Variants in WDR82 observed in about 807,000 individuals in gnomAD.
The protein encoded by WDR82 is WD repeat-containing protein 82.
WDR82 carries 8 observed loss-of-function variants against 36.1 expected under a neutral mutation model. The observed-to-expected ratio is 0.22, with a 90% confidence interval of 0.13 to 0.40. The LOEUF (loss-of-function observed/expected upper bound fraction) is 0.40, where lower values mean the gene tolerates loss of function less well. Among genes scored for constraint, WDR82 ranks in the 10% least tolerant of loss-of-function variants. WDR82 has a pLI of 1.00. For synonymous variants in WDR82, 129 were observed against 137.8 expected, an observed-to-expected ratio of 0.94 and a Z score of 0.45; for missense variants, 185 against 400.5, an observed-to-expected ratio of 0.46 and a Z score of 4.59.
intron 2 of WDR82, among the ~76,000 whole-genome samples, chr3:52,270,260 T>C (rs1417125273): frequency 6.6e-6 from 1 of 152,184 alleles, no homozygotes; most frequent in Non-Finnish European, 1.5e-5. Flanking sequence ...GCTGGGATTA[T>C]AGGCGTGCAC....
intron 2 of WDR82, among the ~76,000 whole-genome samples, chr3:52,269,063 C>A (rs907917396): frequency 6.6e-6 from 1 of 152,194 alleles, no homozygotes; most frequent in Non-Finnish European, 1.5e-5. Flanking sequence ...GATCCACTCT[C>A]CTAGGCCTCC....
Position 52,267,038 on chromosome 3 carries a change from G to A in WDR82, c.260-20C>T, listed in dbSNP as rs1700112049. On this transcript the variant is annotated intron_variant, in intron 2 of 8. Coordinates refer to ENST00000296490, the MANE Select transcript of WDR82 (RefSeq NM_025222.4). Reference sequence around the variant, plus strand: ...TAGTATCTGTAAAAAGACAAACAAGGTATGATGATATCATACTATTTAAAA... The same window carrying A: ...TAGTATCTGTAAAAAGACAAACAAGATATGATGATATCATACTATTTAAAA... 1.3e-6 allele frequency: 2 copies of A among 1,583,086 alleles called. No individual in the cohort carries two copies. Among genetic ancestry groups the A allele is most frequent in the African/African-American group, 1.4e-5 (1 of 74,052 alleles).
Position 52,259,948 on chromosome 3 carries a change from T to C in WDR82, c.544-76A>G, listed in dbSNP as rs1306452600. ...CTAGAGCCAATTCCCATCCTATTCC[T>C]TTAGATTACTTTTTGACTAAGGAAA... On this transcript the variant is annotated intron_variant, in intron 5 of 8. Coordinates refer to ENST00000296490, the MANE Select transcript of WDR82 (RefSeq NM_025222.4). 2.0e-6 allele frequency: 3 copies of C among 1,488,532 alleles called. No individual in the cohort carries two copies. The Admixed American group carries it at 6.4e-5, about 32-fold the overall frequency. 92.2% of individuals were successfully genotyped at this position (1,488,532 alleles called of 1,614,324 possible). A position where few individuals can be genotyped will look rare whatever the true frequency, so the allele number is the denominator to read the frequency against.
intron 3 of WDR82, among the ~76,000 whole-genome samples, chr3:52,266,054 T>TA (rs1449413064): frequency 1.3e-5 from 2 of 152,022 alleles, no homozygotes; most frequent in Non-Finnish European, 2.9e-5. Flanking sequence ...GTTGAAAAAT[T>TA]AGAGAAAAAA....
At chr3:52,268,926 C>A (rs1031811476) in intron 2 of WDR82, among the ~76,000 whole-genome samples, 5 of 152,040 alleles carry the variant, frequency 3.3e-5, no homozygotes, top group African/African-American at 1.2e-4. Flanking sequence ...GCAATCCTCC[C>A]ACCTCAGCCT....
At position 52,254,755 on chromosome 3, in the gene WDR82, G is replaced by T. The variant is rs1199043086; in HGVS notation, c.*2735C>A. Reference sequence around the variant, plus strand: ...CCCAATTCTTAAGGTGGCAAACGCCGCTGCCCCACTCCCCACCCATCCCCA... The same window carrying T: ...CCCAATTCTTAAGGTGGCAAACGCCTCTGCCCCACTCCCCACCCATCCCCA... On this transcript the variant is annotated 3_prime_UTR_variant, in exon 9 of 9. Coordinates refer to ENST00000296490, the MANE Select transcript of WDR82 (RefSeq NM_025222.4). The T allele has an allele frequency of 6.6e-6, 1 of 152,176 alleles. No individual in the cohort carries two copies. The highest frequency in any genetic ancestry group is 1.5e-5 in the Non-Finnish European group (1 of 68,050). 9.4% of individuals were successfully genotyped at this position (152,176 alleles called of 1,614,324 possible).
At chr3:52,276,411 A>G (rs1278315816) in intron 1 of WDR82, among the ~76,000 whole-genome samples, 1 of 151,880 alleles carries the variant, frequency 6.6e-6, no homozygotes, top group Non-Finnish European at 1.5e-5. Context: ...AGCCTGGGCG[A>G]CGGAGAGAGA....
intron 1 of WDR82, among the ~76,000 whole-genome samples, chr3:52,275,517 AGTATT>A (rs1435585992): frequency 6.6e-6 from 1 of 152,250 alleles, no homozygotes; most frequent in Admixed American, 6.5e-5. Context: ...CATGCCCTGT[AGTATT>A]GTATCAGTAC....
chr3:52,267,215 G>A, intron 2 of WDR82, 197 bp from the exon 3 acceptor site: 1 of 405,314 alleles, frequency 2.5e-6, no homozygotes, highest in Non-Finnish European at 4.5e-6. Context: ...CAAAAGCAGA[G>A]TTCTTAAGTT....
At chr3:52,270,415 G>A (rs539915707) in intron 2 of WDR82, among the ~76,000 whole-genome samples, 4 of 152,186 alleles carry the variant, frequency 2.6e-5, no homozygotes, top group Non-Finnish European at 5.9e-5. Context: ...CCTACGCCCG[G>A]CTTTAAAAGC....
Position 52,256,935 on chromosome 3 carries a change from T to G in WDR82, c.*555A>C, listed in dbSNP as rs1199259541. 6.5e-6 allele frequency: 1 copy of G among 153,234 alleles called. No homozygotes were observed. Among genetic ancestry groups the G allele is most frequent in the Admixed American group, 6.5e-5 (1 of 15,324 alleles). 9.5% of individuals were successfully genotyped at this position (153,234 alleles called of 1,614,324 possible). On this transcript the variant is annotated 3_prime_UTR_variant, in exon 9 of 9. Coordinates refer to ENST00000296490, the MANE Select transcript of WDR82 (RefSeq NM_025222.4). ...AGCAAGGTCCTTCTGTATCTGTCCCTTTCTCTGACCCCAAGATATATGAAA... is the reference window on the plus strand; with the variant it reads ...AGCAAGGTCCTTCTGTATCTGTCCCGTTCTCTGACCCCAAGATATATGAAA...
intron 1 of WDR82, among the ~76,000 whole-genome samples, chr3:52,276,437 G>A (rs1188257907): frequency 3.4e-4 from 46 of 136,450 alleles, no homozygotes; most frequent in African/African-American, 7.0e-4. Context: ...TCCCCCACCC[G>A]AAAAAAAAAA....
chr3:52,277,400 G>A (rs1018616211), intron 1 of WDR82, among the ~76,000 whole-genome samples: 1 of 151,862 alleles, frequency 6.6e-6, no homozygotes, highest in African/African-American at 2.4e-5. Flanking sequence ...ATTCAAAGTG[G>A]ACCAAAAAGT....
intron 2 of WDR82, 97 bp from the exon 3 acceptor site, chr3:52,267,115 GTATTC>G (rs1700112882): frequency 6.4e-6 from 6 of 942,086 alleles, no homozygotes; most frequent in Non-Finnish European, 9.9e-6. Context: ...ATAATCCATT[GTATTC>G]TATATCCCAA....
At chr3:52,263,123 G>A (rs1323451142) in intron 3 of WDR82, among the ~76,000 whole-genome samples, 3 of 152,256 alleles carry the variant, frequency 2.0e-5, no homozygotes, top group African/African-American at 2.4e-5. Context: ...GCAAGGCACC[G>A]TCTCAAAAAA....
rs568096093 is a variant in WDR82 at position 52,255,142 on chromosome 3, A to G, written c.*2348T>C. ...TTTTTAGTAGAGATGGGGTTTCTCC[A>G]TGTTGGTCAGGCTGGTCTCAAACTC... On this transcript the variant is annotated 3_prime_UTR_variant, in exon 9 of 9. Transcript: ENST00000296490. 2 of 152,142 alleles carry G rather than the reference A, an allele frequency of 1.3e-5. No homozygotes were observed. The highest frequency in any genetic ancestry group is 4.1e-4 in the South Asian group (2 of 4,822). 9.4% of individuals were successfully genotyped at this position (152,142 alleles called of 1,614,324 possible).
chr3:52,277,345 C>T (rs1351304509), intron 1 of WDR82, among the ~76,000 whole-genome samples: 1 of 151,830 alleles, frequency 6.6e-6, no homozygotes, highest in African/African-American at 2.4e-5. Flanking sequence ...TGGTGGGTCT[C>T]CAGATGACTT....
At chr3:52,268,334 C>CA (rs1249525617) in intron 2 of WDR82, 1 of 472,238 alleles carries the variant, frequency 2.1e-6, no homozygotes, top group South Asian at 1.5e-5. Context: ...CATAGACCCT[C>CA]AAACTGTACA....
intron 2 of WDR82, among the ~76,000 whole-genome samples, chr3:52,268,711 G>A (rs1700127221): frequency 6.8e-6 from 1 of 147,452 alleles, no homozygotes; most frequent in Non-Finnish European, 1.5e-5. Flanking sequence ...AATACAGGCA[G>A]AAGAGTCTCA....
Sources: allele counts gnomAD v4.1 joint callset (sites outside exome capture counted in the v4.1 genomes callset), GRCh38; gene constraint gnomAD v4.1.1; transcripts MANE v1.5; gene names NCBI Gene and HGNC (gene_info 2026-07-23, HGNC 2026-07-21).